The following MPZL1 variants were observed in gnomAD, a reference collection of about 807,000 sequenced individuals.
MPZL1 encodes the protein myelin protein zero like 1.
MPZL1 carries 16 observed loss-of-function variants against 29.3 expected under a neutral mutation model. The observed-to-expected ratio is 0.55, with a 90% CI of 0.37 to 0.83. The LOEUF (loss-of-function observed/expected upper bound fraction) is 0.83. Ranked by LOEUF, MPZL1 falls within the 40% of genes least tolerant of loss-of-function variation. MPZL1 has a pLI of 0.00. For synonymous variants in MPZL1, 143 were observed against 132.0 expected (o/e 1.08, Z -0.57); for missense variants, 279 against 332.9 (o/e 0.84, Z 1.26).
intron 1 of MPZL1, among the ~76,000 whole-genome samples, chr1:167,752,825 A>G (rs1571150101): frequency 6.6e-6 from 1 of 152,218 alleles, no homozygotes; most frequent in Non-Finnish European, 1.5e-5. Context: ...TAGTGCTTAT[A>G]TGTTTCATTA....
At position 167,728,873 on chromosome 1, in the gene MPZL1, C is replaced by T. The variant is rs147076221; in HGVS notation, c.91+6631C>T. ...TTTGTTAGGAGCATGCTGCAACCAA[C>T]TGAACAGACCTTGATGAACTTGCAA... On this transcript the variant is annotated intron_variant, in intron 1 of 5. Coordinates refer to ENST00000359523, the MANE Select transcript of MPZL1 (RefSeq NM_003953.6). 3.1e-3 allele frequency among the ~76,000 whole-genome samples: 477 copies of T among 152,314 alleles called. 2 individuals are homozygous for T. Among genetic ancestry groups the T allele is most frequent in the African/African-American group, 0.011 (441 of 41,576 alleles).
At chr1:167,741,300 G>A (rs1404224927) in intron 1 of MPZL1, among the ~76,000 whole-genome samples, 3 of 150,454 alleles carry the variant, frequency 2.0e-5, no homozygotes, top group Non-Finnish European at 4.4e-5. Context: ...GGGATTACAG[G>A]CATGAGTCAC....
intron 1 of MPZL1, among the ~76,000 whole-genome samples, chr1:167,732,797 G>A (rs1448954171): frequency 6.6e-6 from 1 of 152,098 alleles, no homozygotes. Context: ...TTGTAGAGAT[G>A]GGGTTTCGCC....
rs769238738 is a variant in MPZL1, at chr1:167,761,259, A to G, written c.92-4324A>G. 5.5e-4 allele frequency among the ~76,000 whole-genome samples: 83 copies of G among 152,292 alleles called. 1 individual carries two copies. The highest frequency in any genetic ancestry group is 6.8e-3 in the Middle Eastern group (2 of 294). On this transcript the variant is annotated intron_variant, in intron 1 of 5. Coordinates refer to ENST00000359523, the MANE Select transcript of MPZL1 (RefSeq NM_003953.6). ...TGCAGGGTCAAGGTTTTTTTTCTCT[A>G]AACCTGGGATATAAATATAAATATG...
In MPZL1 at chr1:167,722,189, C is replaced by T. The variant is rs1398559913; in HGVS notation, c.38C>T (p.Ala13Val). 6.5e-6 allele frequency: 8 copies of T among 1,238,232 alleles called. No homozygotes were observed. The highest frequency in any genetic ancestry group is 8.1e-6 in the Non-Finnish European group (8 of 988,016). The allele number at this position is 1,238,232 out of a possible 1,614,324, so 76.7% of individuals were successfully genotyped here. ...ASAGAGAVIAAPDSRRWLWSV... is the reference protein window; with the variant it reads ...ASAGAGAVIAVPDSRRWLWSV... ...GCCGGAGCCGGGGCGGTGATTGCAG[C>T]CCCAGACAGCCGGCGCTGGCTGTGG... is the stretch of plus-strand genomic sequence containing the variant. Residue 13 changes from alanine (A) to valine (V), a missense_variant, in exon 1 of 6, where the codon GCC becomes GTC. Transcript: ENST00000359523.
At chr1:167,780,041 G>A (rs1661463032) in intron 5 of MPZL1, among the ~76,000 whole-genome samples, 1 of 152,198 alleles carries the variant, frequency 6.6e-6, no homozygotes, top group South Asian at 2.1e-4. Flanking sequence ...TAATAGTAGA[G>A]CTTGAAAATA....
At chr1:167,750,263 C>G (rs1052724625) in intron 1 of MPZL1, among the ~76,000 whole-genome samples, 8 of 151,934 alleles carry the variant, frequency 5.3e-5, no homozygotes, top group African/African-American at 1.9e-4. Flanking sequence ...TGCAATGCCG[C>G]GATCTCAGCT....
At chr1:167,763,302 G>T (rs1197344688) in intron 1 of MPZL1, among the ~76,000 whole-genome samples, 1 of 152,092 alleles carries the variant, frequency 6.6e-6, no homozygotes, top group Non-Finnish European at 1.5e-5. Context: ...AATCACCTGA[G>T]GTCAGGAGTT....
At position 167,753,802 on chromosome 1, in the gene MPZL1, G is replaced by A. The variant is rs899479199; in HGVS notation, c.92-11781G>A. 3.3e-5 allele frequency among the ~76,000 whole-genome samples: 5 copies of A among 151,946 alleles called. No homozygotes were observed. In the South Asian group the frequency reaches 6.2e-4, roughly 19 times the overall value. On this transcript the variant is annotated intron_variant, in intron 1 of 5. Coordinates refer to ENST00000359523, the MANE Select transcript of MPZL1 (RefSeq NM_003953.6). ...CCGCCATCACGCCGGGCTAATTTTC[G>A]TATTTTTAGTAGAGATGGGATTTCA...
chr1:167,729,985 G>A (rs1660229318), intron 1 of MPZL1, among the ~76,000 whole-genome samples: 1 of 152,202 alleles, frequency 6.6e-6, no homozygotes, highest in Non-Finnish European at 1.5e-5. Context: ...CAACCACCCT[G>A]CTGTATTATA....
intron 1 of MPZL1, among the ~76,000 whole-genome samples, chr1:167,725,602 T>C (rs6694905): frequency 0.052 from 7,887 of 151,904 alleles, 677 homozygotes; most frequent in African/African-American, 0.18. Flanking sequence ...TCTCCTGCCT[T>C]AGCCTCCCGA....
chr1:167,778,109 T>C (rs1410129955), intron 5 of MPZL1, among the ~76,000 whole-genome samples: 1 of 151,846 alleles, frequency 6.6e-6, no homozygotes, highest in African/African-American at 2.4e-5. Flanking sequence ...GATCACGAGG[T>C]CAGGAGTTCG....
chr1:167,786,679 C>T (rs1480337710), intron 5 of MPZL1, among the ~76,000 whole-genome samples: 1 of 152,206 alleles, frequency 6.6e-6, no homozygotes, highest in Non-Finnish European at 1.5e-5. Flanking sequence ...CTGAACTCCA[C>T]AGAACCCCAG....
At chr1:167,758,368 T>C (rs1660913772) in intron 1 of MPZL1, among the ~76,000 whole-genome samples, 1 of 152,218 alleles carries the variant, frequency 6.6e-6, no homozygotes. Flanking sequence ...TGGAGTAAGA[T>C]CATCTCGGCA....
chr1:167,759,386 A>G (rs4656556), intron 1 of MPZL1, among the ~76,000 whole-genome samples: 6,001 of 152,264 alleles, frequency 0.039, 174 homozygotes, highest in Middle Eastern at 0.12. Flanking sequence ...CTAGTCATTT[A>G]AAAAAAGGCA....
intron 2 of MPZL1, among the ~76,000 whole-genome samples, chr1:167,767,649 T>C (rs1468582519): frequency 6.6e-6 from 1 of 152,136 alleles, no homozygotes; most frequent in East Asian, 1.9e-4. Flanking sequence ...TGCTTTTTTG[T>C]TTTTATAGGT....
intron 2 of MPZL1, chr1:167,765,957 T>C: frequency 2.7e-6 from 1 of 363,824 alleles, no homozygotes; most frequent in Non-Finnish European, 4.9e-6. Flanking sequence ...GATCAGTTCC[T>C]CTCCACCATC....
chr1:167,744,418 T>A (rs1660600861), intron 1 of MPZL1, among the ~76,000 whole-genome samples: 1 of 152,114 alleles, frequency 6.6e-6, no homozygotes, highest in African/African-American at 2.4e-5. Context: ...GCACAGTGGC[T>A]CATGCCTGTA....
At position 167,739,308 on chromosome 1, in the gene MPZL1, T is replaced by C. The variant is rs12405961; in HGVS notation, c.91+17066T>C. Among the ~76,000 whole-genome samples the C allele has an allele frequency of 8.6e-3, 669 of 77,936 alleles. 25 individuals are homozygous for C. The highest frequency in any genetic ancestry group is 0.012 in the Non-Finnish European group (468 of 39,630). 51.1% of individuals were successfully genotyped at this position (77,936 alleles called of 152,430 possible). ...ATATATATATATATATATATATATA[T>C]ACACATATATATATTTATGTTTATT... On this transcript the variant is annotated intron_variant, in intron 1 of 5. Transcript: ENST00000359523.
Sources: allele counts gnomAD v4.1 joint callset (sites outside exome capture counted in the v4.1 genomes callset), GRCh38; gene constraint gnomAD v4.1.1; transcripts MANE v1.5; gene names NCBI Gene and HGNC (gene_info 2026-07-23, HGNC 2026-07-21).